MTUS2: variants seen among roughly 807,000 people sequenced by gnomAD.
MTUS2 encodes the protein microtubule-associated tumor suppressor candidate 2.
MTUS2 carries 40 observed loss-of-function variants against 114.1 expected under a neutral mutation model. The ratio of observed to expected loss-of-function variants is 0.35; its 90% CI spans 0.27 to 0.46. The LOEUF (loss-of-function observed/expected upper bound fraction) is 0.46. Ranked by LOEUF, MTUS2 falls within the 20% of genes least tolerant of loss-of-function variation. MTUS2 has a pLI of 1.00. For missense variants in MTUS2, 1,679 were observed against 1,705.4 expected (o/e 0.98, Z 0.27); for synonymous variants, 688 against 672.0 (o/e 1.02, Z -0.37).
chr13:29,375,566 T>TA (rs1319649183), intron 8 of MTUS2, among the ~76,000 whole-genome samples: 21,607 of 31,218 alleles, frequency 0.69, 7,552 homozygotes, highest in East Asian at 0.78. Flanking sequence ...TACGTATATA[T>TA]ATATATACAT....
At position 29,318,391 on chromosome 13, in the gene MTUS2, C is replaced by CTTTTTTTTTTTTCTTTTTT. The variant is rs71090240; in HGVS notation, c.2807-6211_2807-6210insTCTTTTTTTTTTTTTTTTT. ...CTATTATCATTTGTTATTTCTTTTT[C>CTTTTTTTTTTTTCTTTTTT]TTTTTTTTTTTGAGATGACAGCCTC... is the stretch of plus-strand genomic sequence containing the variant. On this transcript the variant is annotated intron_variant, in intron 6 of 15. Coordinates refer to ENST00000612955, the MANE Select transcript of MTUS2 (RefSeq NM_001033602.4). Among the ~76,000 whole-genome samples the CTTTTTTTTTTTTCTTTTTT allele has an allele frequency of 3.3e-3, 446 of 135,032 alleles. 6 individuals carry two copies. The highest frequency in any genetic ancestry group is 0.011 in the South Asian group (44 of 3,964). The allele number at this position is 135,032 out of a possible 152,430, so 88.6% of individuals were successfully genotyped here.
chr13:29,364,728 G>C lies in MTUS2; in HGVS notation c.3117+5255G>C, dbSNP rs914885073. On this transcript the variant is annotated intron_variant, in intron 8 of 15. Coordinates refer to ENST00000612955, the MANE Select transcript of MTUS2 (RefSeq NM_001033602.4). ...AAGCTATTACGTCCACCAGCCAAAG[G>C]ACTTCACATTTCAGAGATTTTCCCA... 2.0e-5 allele frequency among the ~76,000 whole-genome samples: 3 copies of C among 152,192 alleles called. No homozygotes were observed. The East Asian group carries it at 5.8e-4, about 29-fold the overall frequency.
chr13:29,103,364 A>T (rs1040604137), intron 5 of MTUS2, among the ~76,000 whole-genome samples: 2 of 152,224 alleles, frequency 1.3e-5, no homozygotes, highest in African/African-American at 4.8e-5. Flanking sequence ...CTGCAAACCT[A>T]TAGAGCATTT....
In MTUS2 at chr13:29,487,580, C is replaced by T. The variant is rs1481800979; in HGVS notation, c.3400-320C>T. On this transcript the variant is annotated intron_variant, in intron 10 of 15. Coordinates refer to ENST00000612955, the MANE Select transcript of MTUS2 (RefSeq NM_001033602.4). ...CGCTTTTCTTTTCCTTTGCCGTCAT[C>T]GCTCATAGCGGTGCAAGCGCGTGGA... 15 of 307,542 alleles carry T rather than the reference C, an allele frequency of 4.9e-5. No individual in the cohort carries two copies. In the South Asian group the frequency reaches 6.9e-4, roughly 14 times the overall value. The allele number at this position is 307,542 out of a possible 1,614,324, so 19.1% of individuals were successfully genotyped here. A position where few individuals can be genotyped will look rare whatever the true frequency, so the allele number is the denominator to read the frequency against.
chr13:29,349,283 G>A (rs9508400), intron 7 of MTUS2, among the ~76,000 whole-genome samples: 122,504 of 151,994 alleles, frequency 0.81, 50,380 homozygotes, highest in East Asian at 0.9. Flanking sequence ...CACTTTGTAC[G>A]TGGTGTAGGA....
intron 5 of MTUS2, among the ~76,000 whole-genome samples, chr13:29,166,538 A>G (rs1055763271): frequency 1.3e-5 from 2 of 152,214 alleles, no homozygotes; most frequent in Non-Finnish European, 2.9e-5. Context: ...AATTCTCAGC[A>G]ATAGATGTTC....
intron 12 of MTUS2, 138 bp from the exon 13 acceptor site, chr13:29,497,100 A>G: frequency 1.4e-6 from 1 of 710,766 alleles, no homozygotes. Context: ...CTCCTTTGGC[A>G]CCTCTTTCTT....
intron 5 of MTUS2, among the ~76,000 whole-genome samples, chr13:29,129,969 T>C (rs1427135616): frequency 1.3e-5 from 2 of 152,142 alleles, no homozygotes; most frequent in African/African-American, 4.8e-5. Context: ...GGGGAGGCCT[T>C]ACTGCTGTTT....
intron 8 of MTUS2, among the ~76,000 whole-genome samples, chr13:29,421,623 G>T (rs1876114946): frequency 6.6e-6 from 1 of 152,202 alleles, no homozygotes; most frequent in Non-Finnish European, 1.5e-5. Context: ...GGTGTCCTGG[G>T]TGTAAACATG....
At chr13:29,332,183 C>T (rs549809975) in intron 7 of MTUS2, among the ~76,000 whole-genome samples, 48 of 152,228 alleles carry the variant, frequency 3.2e-4, no homozygotes, top group Middle Eastern at 3.4e-3. Context: ...TGAATCCATC[C>T]GGTCCTGGGC....
intron 6 of MTUS2, among the ~76,000 whole-genome samples, chr13:29,316,025 T>A (rs1899973910): frequency 6.6e-6 from 1 of 151,958 alleles, no homozygotes; most frequent in South Asian, 2.1e-4. Flanking sequence ...GCTGGATGAG[T>A]CATGCATTGG....
At chr13:29,126,017 A>ACTCAGACTG (rs1891499615) in intron 5 of MTUS2, among the ~76,000 whole-genome samples, 1 of 152,208 alleles carries the variant, frequency 6.6e-6, no homozygotes, top group Non-Finnish European at 1.5e-5. Flanking sequence ...TGTATATTCT[A>ACTCAGACTG]CTCAGACTGC....
intron 6 of MTUS2, among the ~76,000 whole-genome samples, chr13:29,311,572 G>A (rs1039093688): frequency 1.3e-5 from 2 of 152,114 alleles, no homozygotes; most frequent in African/African-American, 2.4e-5. Context: ...TAATGAATAC[G>A]TGTCCTTTTA....
At chr13:29,209,319 G>A (rs1895323736) in intron 5 of MTUS2, among the ~76,000 whole-genome samples, 1 of 152,070 alleles carries the variant, frequency 6.6e-6, no homozygotes, top group Admixed American at 6.5e-5. Context: ...GAGTTCTTAT[G>A]TTGTTTGGTG....
At chr13:29,460,337 C>T (rs1220198026) in intron 9 of MTUS2, among the ~76,000 whole-genome samples, 2 of 152,152 alleles carry the variant, frequency 1.3e-5, no homozygotes, top group Non-Finnish European at 2.9e-5. Flanking sequence ...ATCATAATGG[C>T]TGCCAATATT....
chr13:29,091,362 C>G (rs1279938171), intron 4 of MTUS2, among the ~76,000 whole-genome samples: 1 of 152,138 alleles, frequency 6.6e-6, no homozygotes, highest in African/African-American at 2.4e-5. Context: ...GTGTTTTTCT[C>G]TATAAGCTTG....
chr13:29,058,598 T>G (rs1888256190), intron 4 of MTUS2, among the ~76,000 whole-genome samples: 1 of 150,766 alleles, frequency 6.6e-6, no homozygotes, highest in Admixed American at 6.6e-5. Context: ...TATTTTTTTA[T>G]TTTTTTATTA....
chr13:28,861,570 C>T (rs1343969922), intron 2 of MTUS2, among the ~76,000 whole-genome samples: 1 of 151,650 alleles, frequency 6.6e-6, no homozygotes, highest in Non-Finnish European at 1.5e-5. Context: ...AGTCAGTAGG[C>T]AATAGTTGCA....
At chr13:29,465,690 C>T (rs537658448) in intron 9 of MTUS2, among the ~76,000 whole-genome samples, 1 of 152,256 alleles carries the variant, frequency 6.6e-6, no homozygotes, top group East Asian at 1.9e-4. Context: ...TCCTCAGTCC[C>T]TGCTTGTTCC....
Sources: gnomAD v4.1 joint callset for allele counts (sites outside exome capture counted in the v4.1 genomes callset) on GRCh38, gnomAD v4.1.1 for gene constraint, MANE v1.5 for transcripts, NCBI Gene and HGNC (gene_info 2026-07-23, HGNC 2026-07-21) for gene names.